The following CREB5 variants were observed in gnomAD, a reference collection of about 807,000 sequenced individuals.
CREB5 encodes the protein cAMP responsive element binding protein 5.
CREB5 carries 19 observed loss-of-function variants against 57.1 expected under a neutral mutation model. The observed-to-expected ratio is 0.33, with a 90% CI of 0.23 to 0.49. The LOEUF (loss-of-function observed/expected upper bound fraction) is 0.49, where lower values mean the gene tolerates loss of function less well. CREB5 is among the 20% of genes least tolerant of loss of function. The pLI is 0.99. For synonymous variants in CREB5, 238 were observed against 238.3 expected, an observed-to-expected ratio of 1.00 and a Z score of 0.01; for missense variants, 579 against 671.6, an observed-to-expected ratio of 0.86 and a Z score of 1.52.
chr7:28,697,154 T>TA (rs2128734628), intron 5 of CREB5, among the ~76,000 whole-genome samples: 1 of 152,300 alleles, frequency 6.6e-6, no homozygotes, highest in African/African-American at 2.4e-5. Flanking sequence ...TCTGATATAT[T>TA]AGATATGTAT....
intron 7 of CREB5, among the ~76,000 whole-genome samples, chr7:28,801,401 ATAACC>A (rs1399660856): frequency 2.0e-5 from 3 of 152,214 alleles, no homozygotes; most frequent in Non-Finnish European, 4.4e-5. Context: ...TGATTTCAAC[ATAACC>A]TCTTTTCATA....
chr7:28,457,535 C>T (rs1790156035), intron 1 of CREB5, among the ~76,000 whole-genome samples: 1 of 152,076 alleles, frequency 6.6e-6, no homozygotes, highest in Admixed American at 6.5e-5. Flanking sequence ...TGAGAAGGTA[C>T]TAGATGAGAA....
intron 5 of CREB5, among the ~76,000 whole-genome samples, chr7:28,618,573 A>G (rs928844103): frequency 6.6e-6 from 1 of 152,116 alleles, no homozygotes; most frequent in Non-Finnish European, 1.5e-5. Context: ...GGCTCTGTCT[A>G]GGTAATCCTG....
At chr7:28,454,454 G>A (rs1237454714) in intron 1 of CREB5, among the ~76,000 whole-genome samples, 6 of 152,128 alleles carry the variant, frequency 3.9e-5, no homozygotes, top group East Asian at 3.9e-4. Flanking sequence ...GCTGTCTGCC[G>A]TCCTATGGCA....
At chr7:28,614,236 G>A (rs890914278) in intron 5 of CREB5, among the ~76,000 whole-genome samples, 19 of 152,334 alleles carry the variant, frequency 1.2e-4, no homozygotes, top group African/African-American at 4.1e-4. Context: ...TGGGATTACA[G>A]GTGTGAGCCA....
intron 1 of CREB5, among the ~76,000 whole-genome samples, chr7:28,331,496 A>T (rs772626256): frequency 6.6e-6 from 1 of 152,148 alleles, no homozygotes; most frequent in Non-Finnish European, 1.5e-5. Flanking sequence ...AATGGGAACT[A>T]CTACAGACGT....
At chr7:28,705,424 A>AAGGGATTTT (rs1802060464) in intron 5 of CREB5, among the ~76,000 whole-genome samples, 1 of 151,584 alleles carries the variant, frequency 6.6e-6, no homozygotes, top group East Asian at 1.9e-4. Context: ...CAGACCAGTG[A>AAGGGATTTT]AGGGATTTTT....
chr7:28,428,919 A>G (rs1407028830), intron 1 of CREB5, among the ~76,000 whole-genome samples: 1 of 152,156 alleles, frequency 6.6e-6, no homozygotes, highest in Admixed American at 6.5e-5. Flanking sequence ...CCTTCTGCCT[A>G]GACCATCCAA....
In CREB5 at chr7:28,561,033, T is replaced by C. The variant is rs78769914; in HGVS notation, c.292-9332T>C. 7.9e-3 allele frequency among the ~76,000 whole-genome samples: 662 copies of C among 83,374 alleles called. 156 individuals are homozygous for C. Among genetic ancestry groups the C allele is most frequent in the African/African-American group, 0.022 (515 of 22,972 alleles). 54.7% of individuals were successfully genotyped at this position (83,374 alleles called of 152,430 possible). On this transcript the variant is annotated intron_variant, in intron 4 of 10. Transcript: ENST00000357727. ...GTGTGTGTGCGTGTGTGCGTGTGTG[T>C]GTGTGTGTGTGAAGGTATTTTTCAG...
intron 9 of CREB5, among the ~76,000 whole-genome samples, chr7:28,815,860 T>C (rs550394673): frequency 6.6e-6 from 1 of 152,278 alleles, no homozygotes; most frequent in Non-Finnish European, 1.5e-5. Context: ...CTTGTTTGTT[T>C]TCTAGGTAGA....
chr7:28,796,303 G>C (rs894611945), intron 7 of CREB5, among the ~76,000 whole-genome samples: 6 of 152,112 alleles, frequency 3.9e-5, no homozygotes, highest in African/African-American at 7.2e-5. Context: ...TTTTGTGTCT[G>C]GCTTGTTTCA....
chr7:28,712,499 A>T (rs143804866), intron 5 of CREB5, among the ~76,000 whole-genome samples: 2,253 of 77,588 alleles, frequency 0.029, 83 homozygotes, highest in Admixed American at 0.14. Context: ...CAAGAGTGAA[A>T]CTCCTCAAAA....
At chr7:28,685,097 TCTC>T (rs1322408915) in intron 5 of CREB5, among the ~76,000 whole-genome samples, 1 of 152,154 alleles carries the variant, frequency 6.6e-6, no homozygotes, top group Non-Finnish European at 1.5e-5. Flanking sequence ...TACTGTCTGT[TCTC>T]CTCTTTAAAG....
chr7:28,551,628 T>C lies in CREB5; in HGVS notation c.292-18737T>C, dbSNP rs566517854. On this transcript the variant is annotated intron_variant, in intron 4 of 10. Transcript: ENST00000357727. ...CAGCCTGACAGTGTTTACCTTCTATTTAAAAGTGGTGGAAAAAAGAAAGCT... is the reference window on the plus strand; with the variant it reads ...CAGCCTGACAGTGTTTACCTTCTATCTAAAAGTGGTGGAAAAAAGAAAGCT... Among the ~76,000 whole-genome samples, 127 of 152,160 alleles carry C rather than the reference T, an allele frequency of 8.3e-4. 1 individual carries two copies. The highest frequency in any genetic ancestry group is 1.6e-3 in the Non-Finnish European group (111 of 68,024).
At chr7:28,416,840 C>T (rs1008129460) in intron 1 of CREB5, among the ~76,000 whole-genome samples, 23 of 152,204 alleles carry the variant, frequency 1.5e-4, no homozygotes, top group African/African-American at 5.3e-4. Flanking sequence ...ATTTCAACTA[C>T]TCTGCCTTGA....
At chr7:28,398,908 G>T (rs144085256) in intron 1 of CREB5, among the ~76,000 whole-genome samples, 1,656 of 152,108 alleles carry the variant, frequency 0.011, 29 homozygotes, top group African/African-American at 0.038. Context: ...TAGAGACAGG[G>T]TCTCACTATG....
intron 4 of CREB5, among the ~76,000 whole-genome samples, chr7:28,515,640 C>T (rs1792908830): frequency 6.6e-6 from 1 of 152,154 alleles, no homozygotes; most frequent in South Asian, 2.1e-4. Context: ...CAGCTCCCTC[C>T]CTACCCTCTT....
At chr7:28,708,475 G>A (rs1206816704) in intron 5 of CREB5, among the ~76,000 whole-genome samples, 2 of 152,294 alleles carry the variant, frequency 1.3e-5, no homozygotes, top group Non-Finnish European at 2.9e-5. Flanking sequence ...GAAAACTGCC[G>A]AAGAGACCCT....
chr7:28,500,401 C>G (rs7807102), intron 3 of CREB5, among the ~76,000 whole-genome samples: 21 of 152,118 alleles, frequency 1.4e-4, no homozygotes, highest in Non-Finnish European at 2.4e-4. Flanking sequence ...CTTGAGCTGA[C>G]GCTGAAGAGA....
Sources: gnomAD v4.1 joint callset for allele counts (sites outside exome capture counted in the v4.1 genomes callset) on GRCh38, gnomAD v4.1.1 for gene constraint, MANE v1.5 for transcripts, NCBI Gene and HGNC (gene_info 2026-07-23, HGNC 2026-07-21) for gene names.